BRIP1: variants seen among roughly 807,000 people sequenced by gnomAD.
BRIP1 encodes BRCA1 interacting DNA helicase 1, also known as Fanconi anemia group J protein.
In BRIP1, 88 loss-of-function variants were observed where a neutral mutation model predicts 119.7. That is an observed-to-expected ratio of 0.74 (90% CI 0.62 to 0.88). The LOEUF (loss-of-function observed/expected upper bound fraction) is 0.88. Ranked by LOEUF, BRIP1 falls within the 40% of genes least tolerant of loss-of-function variation. The pLI, the probability that BRIP1 is intolerant of heterozygous loss-of-function variation, is 0.00. For missense variants in BRIP1, 1,259 were observed against 1,455.4 expected (o/e 0.87, Z 2.20); for synonymous variants, 443 against 496.5 (o/e 0.89, Z 1.43).
intron 16 of BRIP1, among the ~76,000 whole-genome samples, chr17:61,741,916 C>T (rs935322144): frequency 2.6e-5 from 4 of 152,234 alleles, no homozygotes; most frequent in Non-Finnish European, 5.9e-5. Context: ...TTCTCTGAAG[C>T]TTTGAGGTCA....
Position 61,801,606 on chromosome 17 carries a change from C to G in BRIP1, c.919-132G>C, listed in dbSNP as rs536345955. 8.4e-5 allele frequency: 70 copies of G among 829,522 alleles called. No homozygotes were observed. The East Asian group carries it at 1.5e-3, about 18-fold the overall frequency. The allele number at this position is 829,522 out of a possible 1,614,324, so 51.4% of individuals were successfully genotyped here. A position where few individuals can be genotyped will look rare whatever the true frequency, so the allele number is the denominator to read the frequency against. ...GATTTTACTGGCTACGCCACCACACCTGGCTAATTTTTTGTCTTTTTTGAG... is the reference window on the plus strand; with the variant it reads ...GATTTTACTGGCTACGCCACCACACGTGGCTAATTTTTTGTCTTTTTTGAG... On this transcript the variant is annotated intron_variant, in intron 7 of 19. Transcript: ENST00000259008.
At position 61,744,696 on chromosome 17, in the gene BRIP1, G is replaced by A; in HGVS notation, c.2098-105C>T. 1.0e-6 allele frequency: 1 copy of A among 992,348 alleles called. No individual in the cohort carries two copies. The highest frequency in any genetic ancestry group is 1.6e-6 in the Non-Finnish European group (1 of 632,376). 61.5% of individuals were successfully genotyped at this position (992,348 alleles called of 1,614,324 possible). ...CTACGGCAAGTATATTAATCTCTCT[G>A]TGTCTTTTCTCATTTATAAAATGAG... On this transcript the variant is annotated intron_variant, in intron 14 of 19. Transcript: ENST00000259008. The surrounding 1 kb of genome is among the most constrained non-coding windows in gnomAD (Gnocchi z 5.0).
rs146031731 is a variant in BRIP1 at position 61,693,442 on chromosome 17, G to A, written c.2563C>T (p.Arg855Cys). The A allele has an allele frequency of 5.6e-6, 9 of 1,612,868 alleles. No homozygotes were observed. The highest frequency in any genetic ancestry group is 1.3e-5 in the African/African-American group (1 of 74,866). ...GCTGAGATCTTACCAGATATATAGCGACTTGGGTTATTCCTAAAGCGATCA... is the reference window on the plus strand; with the variant it reads ...GCTGAGATCTTACCAGATATATAGCAACTTGGGTTATTCCTAAAGCGATCA... Reference protein sequence around the residue: ...VDDRFRNNPSRYISGLSKWVR... With the variant: ...VDDRFRNNPSCYISGLSKWVR... The change falls in exon 18 of 20, where the codon CGC becomes TGC. Residue 855 changes from arginine to cysteine, a missense_variant. Arg to Cys is a radical substitution (Grantham distance 180). Coordinates refer to ENST00000259008, the MANE Select transcript of BRIP1 (RefSeq NM_032043.3). This position sits in a 1 kb window ranked among gnomAD's most constrained non-coding sequence, Gnocchi z 4.2.
chr17:61,692,118 G>A (rs999921477), intron 18 of BRIP1, among the ~76,000 whole-genome samples: 5 of 152,224 alleles, frequency 3.3e-5, no homozygotes, highest in African/African-American at 1.2e-4. Flanking sequence ...GAAAGCCTTG[G>A]TGCTATGATT....
chr17:61,808,784 T>G lies in BRIP1; in HGVS notation c.628-27A>C, dbSNP rs765256077. 2 of 1,602,722 alleles carry G rather than the reference T, an allele frequency of 1.2e-6. No homozygotes were observed. The highest frequency in any genetic ancestry group is 4.5e-5 in the East Asian group (2 of 44,848). On this transcript the variant is annotated intron_variant, in intron 6 of 19. Coordinates refer to ENST00000259008, the MANE Select transcript of BRIP1 (RefSeq NM_032043.3). The surrounding 1 kb of genome is among the most constrained non-coding windows in gnomAD (Gnocchi z 4.1). ...TGTAAGAAAGGAAAGAAACGATAAC[T>G]AATATCTAAACTACCATAAAAAACG... is the stretch of plus-strand genomic sequence containing the variant.
At position 61,734,583 on chromosome 17, in the gene BRIP1, TGAACTAA is replaced by T. The variant is rs1240982822; in HGVS notation, c.2379+8423_2379+8429del. ...CAGGTATGTGCAATAAATTATGACT[TGAACTAA>T]ACAAGTCACACTTGGCTCCAAAATG... On this transcript the variant is annotated intron_variant, in intron 16 of 19. Transcript: ENST00000259008. The surrounding 1 kb of genome is among the most constrained non-coding windows in gnomAD (Gnocchi z 5.2). Among the ~76,000 whole-genome samples, 1 of 152,154 alleles carries T rather than the reference TGAACTAA, an allele frequency of 6.6e-6. No individual in the cohort carries two copies. The highest frequency in any genetic ancestry group is 1.5e-5 in the Non-Finnish European group (1 of 68,014).
chr17:61,750,821 T>A (rs960853143), intron 14 of BRIP1, among the ~76,000 whole-genome samples: 2 of 152,182 alleles, frequency 1.3e-5, no homozygotes, highest in South Asian at 4.1e-4. Flanking sequence ...ATAACTGCTG[T>A]CCAAATAAGT....
Position 61,795,010 on chromosome 17 carries a change from A to G in BRIP1, c.1341-1281T>C, listed in dbSNP as rs1257384237. Among the ~76,000 whole-genome samples the G allele has an allele frequency of 6.6e-6, 1 of 152,080 alleles. No homozygotes were observed. Among genetic ancestry groups the G allele is most frequent in the Non-Finnish European group, 1.5e-5 (1 of 68,008 alleles). On this transcript the variant is annotated intron_variant, in intron 9 of 19. Transcript: ENST00000259008. The surrounding 1 kb of genome is among the most constrained non-coding windows in gnomAD (Gnocchi z 5.6). Reference sequence around the variant, plus strand: ...GGCAAAAATGAATAATGGTATGAACAATGTCAGAGTGATAAGCAGAAATCA... The same window carrying G: ...GGCAAAAATGAATAATGGTATGAACGATGTCAGAGTGATAAGCAGAAATCA...
intron 10 of BRIP1, among the ~76,000 whole-genome samples, chr17:61,788,545 G>A (rs536525869): frequency 3.3e-5 from 5 of 151,954 alleles, no homozygotes; most frequent in Non-Finnish European, 4.4e-5. Context: ...ATAAAGTGAG[G>A]GATATGCCCT....
intron 6 of BRIP1, among the ~76,000 whole-genome samples, chr17:61,835,712 A>G (rs1329348849): frequency 1.3e-5 from 2 of 152,122 alleles, no homozygotes; most frequent in African/African-American, 2.4e-5. Flanking sequence ...AAAAAAATTA[A>G]AGAGAAAAAA....
chr17:61,694,993 G>C (rs1320481188), intron 17 of BRIP1, among the ~76,000 whole-genome samples: 1 of 150,856 alleles, frequency 6.6e-6, no homozygotes, highest in Non-Finnish European at 1.5e-5. Context: ...TCTTGATACT[G>C]TCCTTTGAAG....
chr17:61,787,444 ATT>A (rs1394164889), intron 10 of BRIP1, among the ~76,000 whole-genome samples: 1 of 131,910 alleles, frequency 7.6e-6, no homozygotes, highest in African/African-American at 2.9e-5. Context: ...TATACTATAT[ATT>A]ATATATAAAT....
At position 61,844,285 on chromosome 17, in the gene BRIP1, A is replaced by G. The variant is rs1340294871; in HGVS notation, c.627+2816T>C. On this transcript the variant is annotated intron_variant, in intron 6 of 19. Transcript: ENST00000259008. The surrounding 1 kb of genome is among the most constrained non-coding windows in gnomAD (Gnocchi z 4.7). ...TATGTGTCCAAAGTCCATTCTCTTA[A>G]CCAATAAAAACAAAACAAGCCAGGT... 1.3e-5 allele frequency among the ~76,000 whole-genome samples: 2 copies of G among 152,104 alleles called. No individual in the cohort carries two copies. Among genetic ancestry groups the G allele is most frequent in the African/African-American group, 4.8e-5 (2 of 41,418 alleles).
chr17:61,772,820 G>GGAA (rs2077476668), intron 14 of BRIP1, among the ~76,000 whole-genome samples: 3 of 53,540 alleles, frequency 5.6e-5, no homozygotes, highest in Admixed American at 2.6e-4. Context: ...TTCCATCTCA[G>GGAA]AAAAAAAAAA....
At chr17:61,715,236 TTTTC>T (rs1041701720) in intron 17 of BRIP1, among the ~76,000 whole-genome samples, 6 of 151,424 alleles carry the variant, frequency 4.0e-5, no homozygotes, top group Non-Finnish European at 7.4e-5. Flanking sequence ...TTATTTTATT[TTTTC>T]TTTAATTATT....
rs1053253600 is a variant in BRIP1, at chr17:61,775,043, T to C, written c.2097+1358A>G. ...GTTTCCATAATCCCATAAATAACTT[T>C]TCTTCCAATTTCCCGGAAGATATTT... On this transcript the variant is annotated intron_variant, in intron 14 of 19. Transcript: ENST00000259008. The surrounding 1 kb of genome is among the most constrained non-coding windows in gnomAD (Gnocchi z 4.4). Among the ~76,000 whole-genome samples the C allele has an allele frequency of 2.6e-5, 4 of 152,180 alleles. No homozygotes were observed. The highest frequency in any genetic ancestry group is 9.7e-5 in the African/African-American group (4 of 41,450).
At chr17:61,820,136 A>G (rs904047109) in intron 6 of BRIP1, among the ~76,000 whole-genome samples, 1 of 152,090 alleles carries the variant, frequency 6.6e-6, no homozygotes, top group Non-Finnish European at 1.5e-5. Flanking sequence ...CTATTTGGGG[A>G]AAAAAATTAG....
chr17:61,776,373 G>T lies in BRIP1; in HGVS notation c.2097+28C>A, dbSNP rs1245792488. Reference sequence around the variant, plus strand: ...TTAAAATGTAAATGATTATTTAAAGGCAAAAGAAACAATAAATATTCCCTT... The same window carrying T: ...TTAAAATGTAAATGATTATTTAAAGTCAAAAGAAACAATAAATATTCCCTT... On this transcript the variant is annotated intron_variant, in intron 14 of 19. Coordinates refer to ENST00000259008, the MANE Select transcript of BRIP1 (RefSeq NM_032043.3). The surrounding 1 kb of genome is among the most constrained non-coding windows in gnomAD (Gnocchi z 5.0). The T allele has an allele frequency of 6.8e-6, 11 of 1,612,264 alleles. No homozygotes were observed. The highest frequency in any genetic ancestry group is 1.3e-5 in the African/African-American group (1 of 74,830).
At chr17:61,820,963 G>A (rs11079456) in intron 6 of BRIP1, among the ~76,000 whole-genome samples, 46,362 of 143,900 alleles carry the variant, frequency 0.32, 7,654 homozygotes, top group East Asian at 0.51. Context: ...AAAAAAAAAA[G>A]AAAGAAAGAA....
Sources: allele counts gnomAD v4.1 joint callset (sites outside exome capture counted in the v4.1 genomes callset), GRCh38; gene constraint gnomAD v4.1.1; non-coding constraint Gnocchi (gnomAD v3.1); transcripts MANE v1.5; gene names NCBI Gene and HGNC (gene_info 2026-07-23, HGNC 2026-07-21).